The following PLCB1 variants were observed in gnomAD, a reference collection of about 807,000 sequenced individuals.
The protein encoded by PLCB1 is 1-phosphatidylinositol 4,5-bisphosphate phosphodiesterase beta-1.
Under a neutral mutation model 161.8 loss-of-function variants are expected in PLCB1, and 46 were observed. That is an observed-to-expected ratio of 0.28 (90% CI 0.22 to 0.36). The LOEUF (loss-of-function observed/expected upper bound fraction) is 0.36. Ranked by LOEUF, PLCB1 falls within the 10% of genes least tolerant of loss-of-function variation. The pLI, the probability that PLCB1 is intolerant of heterozygous loss-of-function variation, is 1.00. For missense variants in PLCB1, 1,016 were observed against 1,472.5 expected, an observed-to-expected ratio of 0.69 and a Z score of 5.07; for synonymous variants, 517 against 503.7, an observed-to-expected ratio of 1.03 and a Z score of -0.35.
intron 2 of PLCB1, among the ~76,000 whole-genome samples, chr20:8,250,600 A>C (rs1038820577): frequency 7.2e-5 from 11 of 151,950 alleles, no homozygotes; most frequent in Non-Finnish European, 1.5e-4. Flanking sequence ...CAATCAATAA[A>C]GCATACCTAC....
At chr20:8,560,772 C>A (rs1031282752) in intron 3 of PLCB1, among the ~76,000 whole-genome samples, 4 of 151,948 alleles carry the variant, frequency 2.6e-5, no homozygotes, top group African/African-American at 9.7e-5. Flanking sequence ...TTTTTCCTAT[C>A]CAGTCTTTGA....
At chr20:8,793,597 A>C (rs749279288) in intron 31 of PLCB1, among the ~76,000 whole-genome samples, 1 of 152,168 alleles carries the variant, frequency 6.6e-6, no homozygotes. Context: ...TCAAAAGCGG[A>C]GGGAGTGTGC....
intron 7 of PLCB1, chr20:8,651,687 T>C (rs1023668171): frequency 9.8e-6 from 5 of 511,910 alleles, no homozygotes; most frequent in African/African-American, 9.5e-5. Flanking sequence ...AATAGAGTCT[T>C]CTGGGGAAAC....
At chr20:8,400,503 C>A (rs1449552912) in intron 3 of PLCB1, among the ~76,000 whole-genome samples, 2 of 152,158 alleles carry the variant, frequency 1.3e-5, no homozygotes, top group African/African-American at 2.4e-5. Context: ...AAGTAAATTA[C>A]AACTATTAAA....
At chr20:8,196,565 C>A (rs901433990) in intron 2 of PLCB1, among the ~76,000 whole-genome samples, 3 of 151,396 alleles carry the variant, frequency 2.0e-5, no homozygotes, top group African/African-American at 7.3e-5. Context: ...TGCTGCAGTG[C>A]GTTTATAGAG....
At chr20:8,411,787 GC>G (rs1979054630) in intron 3 of PLCB1, among the ~76,000 whole-genome samples, 1 of 152,174 alleles carries the variant, frequency 6.6e-6, no homozygotes, top group Admixed American at 6.5e-5. Context: ...GCTTTGGGAG[GC>G]CAAGGCCAGT....
At chr20:8,237,861 G>A (rs2123197187) in intron 2 of PLCB1, among the ~76,000 whole-genome samples, 1 of 152,176 alleles carries the variant, frequency 6.6e-6, no homozygotes, top group Admixed American at 6.5e-5. Context: ...CAAAAACAAT[G>A]AAGTGTCAAC....
intron 2 of PLCB1, among the ~76,000 whole-genome samples, chr20:8,355,041 A>C (rs1423579323): frequency 6.6e-6 from 1 of 152,172 alleles, no homozygotes; most frequent in Non-Finnish European, 1.5e-5. Context: ...ACAGTCATGA[A>C]ATGGAACCCT....
chr20:8,201,266 G>A (rs1176673612), intron 2 of PLCB1, among the ~76,000 whole-genome samples: 2 of 151,920 alleles, frequency 1.3e-5, no homozygotes, highest in Non-Finnish European at 2.9e-5. Flanking sequence ...CCCCCCTCCA[G>A]CAATAGTATA....
chr20:8,356,409 T>C (rs1282671890), intron 2 of PLCB1, among the ~76,000 whole-genome samples: 1 of 152,200 alleles, frequency 6.6e-6, no homozygotes, highest in Non-Finnish European at 1.5e-5. Flanking sequence ...TTTGTGTTTC[T>C]AGCGAGTAAC....
chr20:8,838,113 A>G (rs1986362764), intron 31 of PLCB1, among the ~76,000 whole-genome samples: 1 of 152,128 alleles, frequency 6.6e-6, no homozygotes, highest in Non-Finnish European at 1.5e-5. Context: ...ATGAAAGCAT[A>G]GAGTCACTAT....
intron 2 of PLCB1, among the ~76,000 whole-genome samples, chr20:8,208,511 T>A (rs1401441758): frequency 6.6e-6 from 1 of 152,068 alleles, no homozygotes; most frequent in Non-Finnish European, 1.5e-5. Context: ...TCCTGTCTCT[T>A]GTTTATGGAG....
At chr20:8,811,301 G>T (rs1374403239) in intron 31 of PLCB1, among the ~76,000 whole-genome samples, 3 of 152,232 alleles carry the variant, frequency 2.0e-5, no homozygotes, top group African/African-American at 7.2e-5. Context: ...TGGAGGTTTA[G>T]ACTCGAAGGG....
intron 10 of PLCB1, among the ~76,000 whole-genome samples, chr20:8,687,651 G>C (rs937245937): frequency 1.3e-5 from 2 of 152,126 alleles, no homozygotes; most frequent in East Asian, 3.9e-4. Flanking sequence ...CAAGTCATTG[G>C]AAATGCTGTT....
chr20:8,217,629 G>A (rs1179471085), intron 2 of PLCB1, among the ~76,000 whole-genome samples: 1 of 152,136 alleles, frequency 6.6e-6, no homozygotes, highest in African/African-American at 2.4e-5. Flanking sequence ...GCATAGAGCT[G>A]AAGATCTTGA....
At chr20:8,353,319 A>T (rs1246884933) in intron 2 of PLCB1, among the ~76,000 whole-genome samples, 1 of 152,152 alleles carries the variant, frequency 6.6e-6, no homozygotes, top group South Asian at 2.1e-4. Flanking sequence ...CATTATTATA[A>T]ATCAGTCATT....
chr20:8,593,208 C>T (rs1453083031), intron 3 of PLCB1, among the ~76,000 whole-genome samples: 2 of 152,022 alleles, frequency 1.3e-5, no homozygotes, highest in East Asian at 1.9e-4. Context: ...AGTCTTGCTC[C>T]GTCACCCAGG....
rs765322167 is a variant in PLCB1 at position 8,777,836 on chromosome 20, G to T, written c.3111+3117G>T. 2.6e-5 allele frequency among the ~76,000 whole-genome samples: 4 copies of T among 152,032 alleles called. No individual in the cohort carries two copies. In the East Asian group the frequency reaches 7.7e-4, roughly 29 times the overall value. On this transcript the variant is annotated intron_variant, in intron 27 of 31. Transcript: ENST00000338037. The stretch of plus-strand genomic sequence containing the variant: ...GGTTTAACTGGACTTAAACTTCACC[G>T]TGACTGGGGAAGCCTCACAGTCATG...
At chr20:8,199,897 A>T (rs1269611394) in intron 2 of PLCB1, among the ~76,000 whole-genome samples, 3 of 152,126 alleles carry the variant, frequency 2.0e-5, no homozygotes, top group Non-Finnish European at 4.4e-5. Context: ...GTGTATCCTG[A>T]TACTAAGTCG....
Sources: allele counts gnomAD v4.1 joint callset (sites outside exome capture counted in the v4.1 genomes callset), GRCh38; gene constraint gnomAD v4.1.1; transcripts MANE v1.5; gene names NCBI Gene and HGNC (gene_info 2026-07-23, HGNC 2026-07-21).